The following AOAH variants were observed in gnomAD, a reference collection of about 807,000 sequenced individuals.
AOAH encodes the protein acyloxyacyl hydrolase.
Under a neutral mutation model 92.2 loss-of-function variants are expected in AOAH, and 64 were observed. The ratio of observed to expected loss-of-function variants is 0.69; its 90% CI spans 0.57 to 0.86. The LOEUF is 0.86. Among genes scored for constraint, AOAH ranks in the 40% least tolerant of loss-of-function variants. The pLI is 0.00. For missense variants in AOAH, 656 were observed against 694.6 expected, an observed-to-expected ratio of 0.94 and a Z score of 0.62; for synonymous variants, 263 against 254.5, an observed-to-expected ratio of 1.03 and a Z score of -0.32.
intron 20 of AOAH, chr7:36,514,707 C>T (rs1790237699): frequency 2.8e-6 from 2 of 723,038 alleles, no homozygotes; most frequent in East Asian, 5.5e-5. Context: ...TTGCTGAAGG[C>T]CTGCCAGAGG....
intron 1 of AOAH, among the ~76,000 whole-genome samples, chr7:36,715,287 A>G (rs557876767): frequency 6.6e-6 from 1 of 152,348 alleles, no homozygotes; most frequent in Non-Finnish European, 1.5e-5. Context: ...GGACCTCTTC[A>G]GGGAGAACTA....
At chr7:36,652,871 A>G (rs959641841) in intron 4 of AOAH, among the ~76,000 whole-genome samples, 7 of 152,216 alleles carry the variant, frequency 4.6e-5, no homozygotes, top group Non-Finnish European at 5.9e-5. Context: ...AAGAAATGCA[A>G]TGCGTGTCCT....
At chr7:36,669,742 A>G (rs942508556) in intron 3 of AOAH, among the ~76,000 whole-genome samples, 2 of 152,230 alleles carry the variant, frequency 1.3e-5, no homozygotes, top group African/African-American at 4.8e-5. Flanking sequence ...AAGGTATACC[A>G]TAATTGTTAT....
chr7:36,667,358 A>G lies in AOAH; in HGVS notation c.290+6585T>C, dbSNP rs570143161. On this transcript the variant is annotated intron_variant, in intron 3 of 20. Transcript: ENST00000617537. The stretch of plus-strand genomic sequence containing the variant: ...TTGTCAGTCACTCAGTAGCCTTCTC[A>G]GTTACCGGATTGATTGTCACCATCT... Among the ~76,000 whole-genome samples the G allele has an allele frequency of 1.2e-4, 19 of 152,290 alleles. 1 individual carries two copies. The highest frequency in any genetic ancestry group is 6.2e-4 in the South Asian group (3 of 4,818).
intron 3 of AOAH, among the ~76,000 whole-genome samples, chr7:36,660,176 C>T (rs938266491): frequency 1.3e-5 from 2 of 152,234 alleles, no homozygotes; most frequent in African/African-American, 4.8e-5. Flanking sequence ...TTTTCGGACT[C>T]AGCCCACTTG....
At position 36,576,570 on chromosome 7, in the gene AOAH, G is replaced by T; in HGVS notation, c.1021+4C>A. 6.6e-7 allele frequency: 1 copy of T among 1,526,712 alleles called. No individual in the cohort carries two copies. Among genetic ancestry groups the T allele is most frequent in the Non-Finnish European group, 9.0e-7 (1 of 1,116,228 alleles). 94.6% of individuals were successfully genotyped at this position (1,526,712 alleles called of 1,614,324 possible). On this transcript the variant is annotated splice_donor_region_variant and intron_variant, in intron 13 of 20. Transcript: ENST00000617537. ...GATGAAGGCTTAAATGGAAAGTTAC[G>T]TACCATTTCTTGAAATATTCTGGTA...
chr7:36,531,807 A>T (rs1158841159), intron 18 of AOAH, among the ~76,000 whole-genome samples: 1 of 151,564 alleles, frequency 6.6e-6, no homozygotes, highest in African/African-American at 2.4e-5. Flanking sequence ...GCTCTCTCCA[A>T]CTCCACAACT....
chr7:36,662,818 T>C (rs973381353), intron 3 of AOAH, among the ~76,000 whole-genome samples: 2 of 151,974 alleles, frequency 1.3e-5, no homozygotes, highest in Admixed American at 1.3e-4. Flanking sequence ...AGCTGGAGAG[T>C]AGAAGAGGGG....
intron 9 of AOAH, among the ~76,000 whole-genome samples, chr7:36,619,659 T>C (rs544929133): frequency 5.3e-5 from 8 of 152,248 alleles, no homozygotes; most frequent in African/African-American, 1.9e-4. Context: ...GGCACAGCTG[T>C]CTCTCATGCT....
intron 12 of AOAH, among the ~76,000 whole-genome samples, chr7:36,587,949 C>T (rs912784178): frequency 6.6e-6 from 1 of 152,188 alleles, no homozygotes; most frequent in Non-Finnish European, 1.5e-5. Context: ...AAATGGTGTT[C>T]CATGAAAAGT....
chr7:36,548,195 C>CT (rs565816358), intron 15 of AOAH, among the ~76,000 whole-genome samples: 2 of 151,826 alleles, frequency 1.3e-5, no homozygotes, highest in Admixed American at 6.6e-5. Context: ...CTAGGACTTG[C>CT]TTTTTTTTGA....
At chr7:36,517,931 CCACACACACACACCCACA>C (rs772060537) in intron 20 of AOAH, among the ~76,000 whole-genome samples, 176 of 87,768 alleles carry the variant, frequency 2.0e-3, no homozygotes, top group Middle Eastern at 5.1e-3. Flanking sequence ...ACACACACAC[CCACACACACACACCCACA>C]CACACACACA....
At chr7:36,716,603 G>A (rs1648496359) in intron 1 of AOAH, among the ~76,000 whole-genome samples, 1 of 136,030 alleles carries the variant, frequency 7.4e-6, no homozygotes, top group African/African-American at 2.8e-5. Context: ...ACTGGATTAA[G>A]AAAATGTGGC....
intron 4 of AOAH, among the ~76,000 whole-genome samples, chr7:36,643,383 A>T (rs545347028): frequency 6.6e-6 from 1 of 152,270 alleles, no homozygotes; most frequent in African/African-American, 2.4e-5. Flanking sequence ...AGGTTTCACC[A>T]GGCCTTGGGG....
chr7:36,624,660 CTCTG>C (rs1014312641), intron 6 of AOAH, among the ~76,000 whole-genome samples: 108 of 152,326 alleles, frequency 7.1e-4, no homozygotes, highest in African/African-American at 2.1e-3. Context: ...TGGTTTCCCG[CTCTG>C]TCTTTCTCTC....
intron 6 of AOAH, among the ~76,000 whole-genome samples, chr7:36,629,421 A>T (rs1433693584): frequency 6.6e-6 from 1 of 152,032 alleles, no homozygotes; most frequent in Admixed American, 6.6e-5. Context: ...GGGAGGGGGC[A>T]GGGGGCTCGA....
chr7:36,561,040 CTTTTTT>C (rs72472573), intron 13 of AOAH, among the ~76,000 whole-genome samples: 1 of 121,798 alleles, frequency 8.2e-6, no homozygotes, highest in Non-Finnish European at 1.7e-5. Flanking sequence ...GCACTGGGAA[CTTTTTT>C]TTTTTTTTTT....
rs537314787 is a variant in AOAH, at chr7:36,597,434, G to T, written c.847-3004C>A. On this transcript the variant is annotated intron_variant, in intron 11 of 20. Transcript: ENST00000617537. ...TTACAATGTGTGTTTACTGTAGGAT[G>T]AGAATATTCATTCTGCCAGACAAGA... is the stretch of plus-strand genomic sequence containing the variant. 3.0e-4 allele frequency among the ~76,000 whole-genome samples: 45 copies of T among 152,262 alleles called. No individual in the cohort carries two copies. In the South Asian group the frequency reaches 9.3e-3, roughly 32 times the overall value.
chr7:36,662,021 A>G lies in AOAH; in HGVS notation c.291-2756T>C, dbSNP rs545253666. ...CATCAAAATATCCTTAAAAATCTCT[A>G]AAAATATTATCTTGTGACCGCTACA... is the stretch of plus-strand genomic sequence containing the variant. On this transcript the variant is annotated intron_variant, in intron 3 of 20. Coordinates refer to ENST00000617537, the MANE Select transcript of AOAH (RefSeq NM_001637.4). Among the ~76,000 whole-genome samples, 5 of 152,302 alleles carry G rather than the reference A, an allele frequency of 3.3e-5. No homozygotes were observed. The South Asian group carries it at 6.2e-4, about 19-fold the overall frequency.
Sources: allele counts gnomAD v4.1 joint callset (sites outside exome capture counted in the v4.1 genomes callset), GRCh38; gene constraint gnomAD v4.1.1; transcripts MANE v1.5; gene names NCBI Gene and HGNC (gene_info 2026-07-23, HGNC 2026-07-21).